Variants in MAPKAP1 observed in about 807,000 individuals in gnomAD.
MAPKAP1 encodes the protein MAPK associated protein 1.
MAPKAP1 carries 20 observed loss-of-function variants against 65.7 expected under a neutral mutation model. That is an observed-to-expected ratio of 0.30 (90% CI 0.21 to 0.44). MAPKAP1 has a LOEUF of 0.44. Among genes scored for constraint, MAPKAP1 ranks in the 20% least tolerant of loss-of-function variants. The pLI, the probability that MAPKAP1 is intolerant of heterozygous loss-of-function variation, is 1.00. For synonymous variants in MAPKAP1, 222 were observed against 244.3 expected (o/e 0.91, Z 0.85); for missense variants, 423 against 648.0 (o/e 0.65, Z 3.77).
At chr9:125,695,670 GA>G (rs924863522) in intron 1 of MAPKAP1, among the ~76,000 whole-genome samples, 3 of 151,348 alleles carry the variant, frequency 2.0e-5, no homozygotes, top group African/African-American at 7.3e-5. Flanking sequence ...ATGCGCATTT[GA>G]AAAAAACAAA....
At chr9:125,593,390 A>G (rs1212495445) in intron 4 of MAPKAP1, among the ~76,000 whole-genome samples, 1 of 152,112 alleles carries the variant, frequency 6.6e-6, no homozygotes, top group Non-Finnish European at 1.5e-5. Flanking sequence ...GGCAAGGCAC[A>G]GTGGCTCAGG....
At chr9:125,546,684 C>T (rs1022646548) in intron 6 of MAPKAP1, among the ~76,000 whole-genome samples, 3 of 152,094 alleles carry the variant, frequency 2.0e-5, no homozygotes, top group African/African-American at 7.2e-5. Flanking sequence ...GGGTTTGAAG[C>T]TGAGAAGACA....
At chr9:125,546,022 AATG>A (rs1830412105) in intron 6 of MAPKAP1, among the ~76,000 whole-genome samples, 1 of 152,190 alleles carries the variant, frequency 6.6e-6, no homozygotes, top group African/African-American at 2.4e-5. Flanking sequence ...TGCAGTCAGG[AATG>A]ATAAGTGAAC....
chr9:125,704,603 T>C (rs1835703282), intron 1 of MAPKAP1, among the ~76,000 whole-genome samples: 1 of 152,192 alleles, frequency 6.6e-6, no homozygotes, highest in South Asian at 2.1e-4. Flanking sequence ...ATCCTCGAAG[T>C]ATTTATTAAC....
intron 9 of MAPKAP1, among the ~76,000 whole-genome samples, chr9:125,473,272 C>G (rs1412268420): frequency 3.3e-5 from 5 of 151,906 alleles, no homozygotes; most frequent in Admixed American, 2.0e-4. Flanking sequence ...GGGGGCTGGC[C>G]GGGAGCAGCC....
chr9:125,628,336 G>A (rs528454804), intron 4 of MAPKAP1, among the ~76,000 whole-genome samples: 1 of 152,186 alleles, frequency 6.6e-6, no homozygotes, highest in African/African-American at 2.4e-5. Context: ...GTGGGAAAAG[G>A]GGCACTTTAA....
intron 1 of MAPKAP1, among the ~76,000 whole-genome samples, chr9:125,684,131 T>G (rs1834904042): frequency 6.6e-6 from 1 of 152,226 alleles, no homozygotes; most frequent in Non-Finnish European, 1.5e-5. Flanking sequence ...AATTTTAAAT[T>G]TACCCAATTC....
chr9:125,531,526 T>G (rs188251094), intron 7 of MAPKAP1, among the ~76,000 whole-genome samples: 129 of 152,226 alleles, frequency 8.5e-4, no homozygotes, highest in Admixed American at 1.4e-3. Context: ...TCAAAGATGT[T>G]ATTTAACAGA....
In MAPKAP1 at chr9:125,438,934, G is replaced by A. The variant is rs376682143; in HGVS notation, c.1522C>T (p.Arg508Cys). The change falls in exon 12 of 12, where the codon CGT becomes TGT. Residue 508 changes from arginine to cysteine, a missense_variant. Around this residue, in one of 6 missense-constraint regions of MAPKAP1, gnomAD observed 185 missense variants for 268.1 expected, o/e 0.69. Coordinates refer to ENST00000265960, the MANE Select transcript of MAPKAP1 (RefSeq NM_001006617.3). ...TCCTTCTGGAAGCTGAAGCTCGTACGTCTGTTCAGTTTTCTTTGTTTTTGA... is the reference window on the plus strand; with the variant it reads ...TCCTTCTGGAAGCTGAAGCTCGTACATCTGTTCAGTTTTCTTTGTTTTTGA... ...FAQKQRKLNR[R>C]TSFSFQKEKK... The A allele has an allele frequency of 3.1e-6, 5 of 1,614,124 alleles. No homozygotes were observed. The highest frequency in any genetic ancestry group is 1.7e-5 in the Admixed American group (1 of 60,010).
intron 8 of MAPKAP1, among the ~76,000 whole-genome samples, chr9:125,499,724 AT>A (rs145559770): frequency 0.16 from 23,976 of 152,110 alleles, 2,332 homozygotes; most frequent in East Asian, 0.24. Context: ...AGAAAAACTA[AT>A]TTGTGGCTGG....
At chr9:125,688,274 G>A (rs1835049997) in intron 1 of MAPKAP1, among the ~76,000 whole-genome samples, 1 of 152,050 alleles carries the variant, frequency 6.6e-6, no homozygotes, top group Admixed American at 6.6e-5. Flanking sequence ...AAGTAACTGG[G>A]ATTACAGCCA....
intron 6 of MAPKAP1, among the ~76,000 whole-genome samples, chr9:125,553,340 G>A (rs1390358206): frequency 1.3e-5 from 2 of 152,108 alleles, no homozygotes; most frequent in East Asian, 3.9e-4. Flanking sequence ...TCAGGACTTC[G>A]AGACCAGCCT....
At chr9:125,465,304 T>G (rs750627558) in intron 10 of MAPKAP1, among the ~76,000 whole-genome samples, 3 of 152,384 alleles carry the variant, frequency 2.0e-5, no homozygotes, top group Admixed American at 6.5e-5. Context: ...GCTAAACTTA[T>G]GAAATATAGT....
At chr9:125,687,572 T>C (rs1437849076) in intron 1 of MAPKAP1, among the ~76,000 whole-genome samples, 1 of 151,102 alleles carries the variant, frequency 6.6e-6, no homozygotes, top group East Asian at 1.9e-4. Flanking sequence ...AGGCGGGGAG[T>C]TTGAGACCAG....
intron 10 of MAPKAP1, among the ~76,000 whole-genome samples, chr9:125,453,436 C>A (rs771890835): frequency 6.6e-5 from 10 of 152,218 alleles, no homozygotes; most frequent in Non-Finnish European, 1.3e-4. Context: ...TCTGATTCTG[C>A]ATTTGATCTG....
chr9:125,523,516 A>G (rs1449710566), intron 7 of MAPKAP1, among the ~76,000 whole-genome samples: 1 of 152,214 alleles, frequency 6.6e-6, no homozygotes, highest in African/African-American at 2.4e-5. Flanking sequence ...TAAATGTGTG[A>G]TAAGTGACTA....
At chr9:125,667,821 T>A (rs1034864185) in intron 3 of MAPKAP1, among the ~76,000 whole-genome samples, 1 of 152,164 alleles carries the variant, frequency 6.6e-6, no homozygotes, top group African/African-American at 2.4e-5. Flanking sequence ...TATTCACTGA[T>A]CAAGAAGAGA....
chr9:125,618,026 T>C (rs1243763534), intron 4 of MAPKAP1, among the ~76,000 whole-genome samples: 2 of 152,070 alleles, frequency 1.3e-5, no homozygotes, highest in African/African-American at 2.4e-5. Context: ...AATTCACTCA[T>C]GAGAAGCTTC....
At chr9:125,590,862 C>A (rs974574253) in intron 4 of MAPKAP1, among the ~76,000 whole-genome samples, 1 of 152,004 alleles carries the variant, frequency 6.6e-6, no homozygotes, top group Non-Finnish European at 1.5e-5. Flanking sequence ...CAACCTCCAC[C>A]TCCCAGGTTC....
Sources: gnomAD v4.1 joint callset for allele counts (sites outside exome capture counted in the v4.1 genomes callset) on GRCh38, gnomAD v4.1.1 for gene constraint, gnomAD v4.1.1 regional missense constraint, MANE v1.5 for transcripts, NCBI Gene and HGNC (gene_info 2026-07-23, HGNC 2026-07-21) for gene names.